The following APC variants were observed in gnomAD, a reference collection of about 807,000 sequenced individuals.
APC encodes APC regulator of Wnt signaling pathway, also known as adenomatous polyposis coli protein.
A neutral mutation model predicts 247.0 loss-of-function variants in APC; 72 were observed. The observed-to-expected ratio is 0.29, with a 90% CI of 0.24 to 0.35. APC has a LOEUF of 0.35. Ranked by LOEUF, APC falls within the 10% of genes least tolerant of loss-of-function variation. The probability of loss-of-function intolerance (pLI) is 1.00; values close to 1 mark genes in which losing one functional copy is unlikely to be tolerated. For missense variants in APC, 3,400 were observed against 3,360.7 expected (o/e 1.01, Z -0.29); for synonymous variants, 1,254 against 1,162.5 (o/e 1.08, Z -1.60).
rs1580603812 is a variant in APC at position 112,835,035 on chromosome 5, G to A, written c.1828G>A (p.Asp610Asn). 6.2e-7 allele frequency: 1 copy of A among 1,614,028 alleles called. No individual in the cohort carries two copies. Among genetic ancestry groups the A allele is most frequent in the African/African-American group, 1.3e-5 (1 of 74,930 alleles). The part of the protein sequence containing the change: ...TENKADICAV[D>N]GALAFLVGTL... Reference sequence around the variant, plus strand: ...GAATAAAGCTGATATATGTGCTGTAGATGGTGCACTTGCATTTTTGGTTGG... The same window carrying A: ...GAATAAAGCTGATATATGTGCTGTAAATGGTGCACTTGCATTTTTGGTTGG... The change falls in exon 15 of 16, where the codon GAT becomes AAT. Residue 610 changes from aspartate (D) to asparagine (N), a missense_variant. Physicochemically the swap from Asp to Asn is conservative, Grantham distance 23. This residue lies in a region of APC where 184 missense variants were observed against 248.0 expected (regional missense o/e 0.74). Transcript: ENST00000257430.
At position 112,841,488 on chromosome 5, in the gene APC, A is replaced by C. The variant is rs773776516; in HGVS notation, c.5894A>C (p.His1965Pro). Residue 1965 changes from histidine (H) to proline (P), a missense_variant, in exon 16 of 16, where the codon CAT becomes CCT. Coordinates refer to ENST00000257430, the MANE Select transcript of APC (RefSeq NM_000038.6). The surrounding 1 kb of genome is among the most constrained non-coding windows in gnomAD (Gnocchi z 4.6). ...AIENTPVCFS[H>P]NSSLSSLSDI... ...GAAAATACTCCGGTTTGCTTTTCTC[A>C]TAATTCCTCTCTGAGTTCTCTCAGT... 33 of 1,613,728 alleles carry C rather than the reference A, an allele frequency of 2.0e-5. No homozygotes were observed. The highest frequency in any genetic ancestry group is 2.5e-5 in the Non-Finnish European group (30 of 1,179,632).
chr5:112,750,912 A>G (rs1754286769), intron 1 of APC, among the ~76,000 whole-genome samples: 1 of 152,118 alleles, frequency 6.6e-6, no homozygotes, highest in African/African-American at 2.4e-5. Flanking sequence ...GAATAGATGC[A>G]GTTTTTTCTT....
At chr5:112,751,669 A>G (rs1754382962) in intron 1 of APC, among the ~76,000 whole-genome samples, 1 of 151,902 alleles carries the variant, frequency 6.6e-6, no homozygotes, top group Non-Finnish European at 1.5e-5. Flanking sequence ...CTGTATTGCC[A>G]AATTATATTA....
At chr5:112,836,165 T>TTGCCCCCCCCCCC (rs1554083526) in intron 15 of APC, among the ~76,000 whole-genome samples, 1 of 24,478 alleles carries the variant, frequency 4.1e-5, no homozygotes, top group Non-Finnish European at 8.5e-5. Context: ...GGATTACAGG[T>TTGCCCCCCCCCCC]CCCCCCCCCC....
intron 2 of APC, among the ~76,000 whole-genome samples, chr5:112,766,088 A>G (rs1352214747): frequency 6.6e-6 from 1 of 152,124 alleles, no homozygotes; most frequent in Non-Finnish European, 1.5e-5. Flanking sequence ...TGTATCTTAA[A>G]TGTGTTTCTA....
intron 7 of APC, among the ~76,000 whole-genome samples, chr5:112,794,279 C>T (rs1217852485): frequency 6.6e-6 from 1 of 152,092 alleles, no homozygotes; most frequent in Non-Finnish European, 1.5e-5. Flanking sequence ...CGAGGTTTTG[C>T]CATGTTGCCC....
intron 8 of APC, among the ~76,000 whole-genome samples, chr5:112,812,029 C>CCAA (rs1245106495): frequency 6.6e-6 from 1 of 152,150 alleles, no homozygotes; most frequent in Admixed American, 6.5e-5. Context: ...ATGGGCCTCA[C>CCAA]CAAGGGCAGT....
intron 4 of APC, among the ~76,000 whole-genome samples, chr5:112,770,383 C>A (rs1756901517): frequency 6.6e-6 from 1 of 152,110 alleles, no homozygotes; most frequent in South Asian, 2.1e-4. Flanking sequence ...ACTTTTAACT[C>A]CAAGTGGAAA....
rs876658995 is a variant in APC, at chr5:112,840,221, A to G, written c.4627A>G (p.Lys1543Glu). Residue 1543 changes from lysine to glutamate, a missense_variant, in exon 16 of 16, where the codon AAA (lysine) becomes GAA (glutamate). Physicochemically the swap from Lys to Glu is moderately conservative, Grantham distance 56. This residue lies in a region of APC where 1,788 missense variants were observed against 1,649.5 expected (regional missense o/e 1.08). Transcript: ENST00000257430. This position sits in a 1 kb window ranked among gnomAD's most constrained non-coding sequence, Gnocchi z 4.1. ...GAATGAAACAGAATCAGAGCAGCCT[A>G]AAGAATCAAATGAAAACCAAGAGAA... ...NGNETESEQP[K>E]ESNENQEKEA... 6.2e-7 allele frequency: 1 copy of G among 1,614,168 alleles called. No individual in the cohort carries two copies. The highest frequency in any genetic ancestry group is 1.3e-5 in the African/African-American group (1 of 75,044).
At chr5:112,711,001 C>G (rs1322440367) in intron 1 of APC, among the ~76,000 whole-genome samples, 4 of 152,226 alleles carry the variant, frequency 2.6e-5, no homozygotes, top group Admixed American at 2.6e-4. Flanking sequence ...TATCTGTGAC[C>G]TCCGAATCAC....
At chr5:112,802,320 A>T (rs1025792801) in intron 8 of APC, among the ~76,000 whole-genome samples, 6 of 152,160 alleles carry the variant, frequency 3.9e-5, no homozygotes, top group African/African-American at 1.4e-4. Flanking sequence ...AGTTAGCATT[A>T]TATTGGAAAA....
Position 112,844,692 on chromosome 5 carries a change from A to G in APC, c.*566A>G, listed in dbSNP as rs1016273076. The G allele has an allele frequency of 4.3e-6, 1 of 232,916 alleles. No individual in the cohort carries two copies. Among genetic ancestry groups the G allele is most frequent in the Non-Finnish European group, 8.5e-6 (1 of 117,892 alleles). The allele number at this position is 232,916 out of a possible 1,614,324, so 14.4% of individuals were successfully genotyped here. ...TGGTTCAATTTCAGAAGTAATGATT[A>G]ACAGTTATGTGGTCACATGATGTGC... On this transcript the variant is annotated 3_prime_UTR_variant, in exon 16 of 16. Transcript: ENST00000257430.
rs142728143 is a variant in APC, at chr5:112,839,344, A to T, written c.3750A>T (p.Lys1250Asn). ...SGQPQKAATC[K>N]VSSINQETIQ... Reference sequence around the variant, plus strand: ...AGCCTCAAAAGGCTGCCACTTGCAAAGTTTCTTCTATTAACCAAGAAACAA... The same window carrying T: ...AGCCTCAAAAGGCTGCCACTTGCAATGTTTCTTCTATTAACCAAGAAACAA... The change falls in exon 16 of 16, where the codon AAA (lysine) becomes AAT (asparagine). Residue 1250 changes from lysine (K) to asparagine (N), a missense_variant. By Grantham distance (94) the Lys-to-Asn change is moderately conservative. This residue lies in a region of APC where 715 missense variants were observed against 656.6 expected (regional missense o/e 1.09). Coordinates refer to ENST00000257430, the MANE Select transcript of APC (RefSeq NM_000038.6). The surrounding 1 kb of genome is among the most constrained non-coding windows in gnomAD (Gnocchi z 5.0). The T allele has an allele frequency of 1.2e-6, 2 of 1,612,972 alleles. No homozygotes were observed. The highest frequency in any genetic ancestry group is 1.7e-5 in the Admixed American group (1 of 59,814).
chr5:112,744,815 T>G (rs185625927), intron 1 of APC, among the ~76,000 whole-genome samples: 14 of 152,362 alleles, frequency 9.2e-5, no homozygotes, highest in African/African-American at 3.1e-4. Context: ...TATAATAGAT[T>G]GTGAACACCA....
At chr5:112,833,518 A>G (rs1248090015) in intron 14 of APC, among the ~76,000 whole-genome samples, 1 of 151,904 alleles carries the variant, frequency 6.6e-6, no homozygotes, top group Non-Finnish European at 1.5e-5. Context: ...GAGATTGGGT[A>G]TTGCTGTGTT....
At position 112,843,019 on chromosome 5, in the gene APC, T is replaced by C. The variant is rs1554088347; in HGVS notation, c.7425T>C (p.Thr2475=). 2 of 1,613,960 alleles carry C rather than the reference T, an allele frequency of 1.2e-6. No homozygotes were observed. The highest frequency in any genetic ancestry group is 1.7e-6 in the Non-Finnish European group (2 of 1,179,856). ...LSPSSRPASP[T]RSQAQTPVLS... ...CATCATCTAGACCAGCTTCTCCCAC[T>C]AGGTCCCAGGCACAAACTCCAGTTT... Residue 2475 remains threonine, a synonymous_variant, in exon 16 of 16, where the codon ACT becomes ACC. Coordinates refer to ENST00000257430, the MANE Select transcript of APC (RefSeq NM_000038.6). This position sits in a 1 kb window ranked among gnomAD's most constrained non-coding sequence, Gnocchi z 4.8.
intron 14 of APC, 47 bp from the exon 15 acceptor site, chr5:112,834,904 A>T (rs1439018710): frequency 1.3e-6 from 2 of 1,537,662 alleles, no homozygotes; most frequent in Non-Finnish European, 1.8e-6. Flanking sequence ...TTAATGAGAG[A>T]CAAATTCCAA....
chr5:112,724,976 AT>A (rs1273648566), intron 1 of APC, among the ~76,000 whole-genome samples: 1 of 151,938 alleles, frequency 6.6e-6, no homozygotes, highest in Non-Finnish European at 1.5e-5. Context: ...CAATTAACAG[AT>A]TTTTATTTTA....
At chr5:112,811,816 G>C (rs773075979) in intron 8 of APC, among the ~76,000 whole-genome samples, 2 of 152,176 alleles carry the variant, frequency 1.3e-5, no homozygotes, top group Non-Finnish European at 2.9e-5. Context: ...ATTTATATTT[G>C]CTTCTATGGA....
Sources: allele counts gnomAD v4.1 joint callset (sites outside exome capture counted in the v4.1 genomes callset), GRCh38; gene constraint gnomAD v4.1.1; regional missense constraint gnomAD v4.1.1; non-coding constraint Gnocchi (gnomAD v3.1); transcripts MANE v1.5; gene names NCBI Gene and HGNC (gene_info 2026-07-23, HGNC 2026-07-21).